Variants in NCAM2 observed in about 807,000 individuals in gnomAD.
NCAM2 encodes N-CAM-2.
NCAM2 carries 30 observed loss-of-function variants against 98.1 expected under a neutral mutation model. That is an observed-to-expected ratio of 0.31 (90% CI 0.23 to 0.41). NCAM2 has a LOEUF of 0.41. Among genes scored for constraint, NCAM2 ranks in the 10% least tolerant of loss-of-function variants. NCAM2 has a pLI of 1.00. For missense variants in NCAM2, 867 were observed against 1,005.8 expected, an observed-to-expected ratio of 0.86 and a Z score of 1.87; for synonymous variants, 368 against 342.4, an observed-to-expected ratio of 1.07 and a Z score of -0.83.
chr21:21,007,624 A>T (rs2064135715), intron 1 of NCAM2, among the ~76,000 whole-genome samples: 1 of 152,112 alleles, frequency 6.6e-6, no homozygotes, highest in Non-Finnish European at 1.5e-5. Flanking sequence ...GACATCTGTA[A>T]ACTATTATGG....
chr21:21,313,603 T>C (rs2074125079), intron 5 of NCAM2, among the ~76,000 whole-genome samples: 1 of 152,042 alleles, frequency 6.6e-6, no homozygotes, highest in Non-Finnish European at 1.5e-5. Flanking sequence ...TCAAGTGATT[T>C]CTTATAGACA....
intron 1 of NCAM2, among the ~76,000 whole-genome samples, chr21:21,264,699 A>G (rs1207629706): frequency 2.0e-5 from 3 of 149,784 alleles, no homozygotes; most frequent in African/African-American, 7.3e-5. Flanking sequence ...ACACATACAT[A>G]CACACACATA....
intron 1 of NCAM2, among the ~76,000 whole-genome samples, chr21:21,053,671 T>C (rs1239205011): frequency 6.6e-6 from 1 of 151,370 alleles, no homozygotes; most frequent in East Asian, 1.9e-4. Context: ...TTTTTCATTT[T>C]TTTTGTCATG....
Position 21,539,892 on chromosome 21 carries a change from T to G in NCAM2, c.*1935T>G, listed in dbSNP as rs1990160832. ...TGTTTGTCTGATCATCCAGTTTGCTTTATTTTGCTGTGTTTTATTTTGTTG... is the reference window on the plus strand; with the variant it reads ...TGTTTGTCTGATCATCCAGTTTGCTGTATTTTGCTGTGTTTTATTTTGTTG... On this transcript the variant is annotated 3_prime_UTR_variant, in exon 18 of 18. Coordinates refer to ENST00000400546, the MANE Select transcript of NCAM2 (RefSeq NM_004540.5). 1 of 152,204 alleles carries G rather than the reference T, an allele frequency of 6.6e-6. No homozygotes were observed. Among genetic ancestry groups the G allele is most frequent in the African/African-American group, 2.4e-5 (1 of 41,456 alleles). 9.4% of individuals were successfully genotyped at this position (152,204 alleles called of 1,614,324 possible). A position where few individuals can be genotyped will look rare whatever the true frequency, so the allele number is the denominator to read the frequency against.
At chr21:21,422,867 G>A (rs1317204419) in intron 11 of NCAM2, among the ~76,000 whole-genome samples, 1 of 152,138 alleles carries the variant, frequency 6.6e-6, no homozygotes, top group Non-Finnish European at 1.5e-5. Flanking sequence ...AAGTTGTACA[G>A]CATGTAAGGC....
chr21:21,265,438 T>A (rs1192533092), intron 1 of NCAM2, among the ~76,000 whole-genome samples: 3 of 37,082 alleles, frequency 8.1e-5, no homozygotes, highest in African/African-American at 1.5e-4. Context: ...TGTATATATA[T>A]TATATATACA....
At chr21:21,436,084 C>T (rs1269808595) in intron 12 of NCAM2, among the ~76,000 whole-genome samples, 1 of 152,098 alleles carries the variant, frequency 6.6e-6, no homozygotes, top group Non-Finnish European at 1.5e-5. Context: ...TAAAGATATT[C>T]ATCAGAATAA....
At chr21:21,522,903 C>T (rs535528174) in intron 16 of NCAM2, among the ~76,000 whole-genome samples, 2 of 152,168 alleles carry the variant, frequency 1.3e-5, no homozygotes, top group African/African-American at 4.8e-5. Context: ...GGATTTCAGG[C>T]GTGAGCCACT....
chr21:20,999,789 G>T lies in NCAM2; in HGVS notation c.55+1171G>T, dbSNP rs78786172. Among the ~76,000 whole-genome samples the T allele has an allele frequency of 9.1e-3, 1,385 of 152,176 alleles. 24 individuals carry two copies. Among genetic ancestry groups the T allele is most frequent in the African/African-American group, 0.031 (1,294 of 41,514 alleles). ...AGGGGGTGGTAGAACTCCATTTTAA[G>T]CCCAGAAGTTGGTTTCTGCTCTTCC... On this transcript the variant is annotated intron_variant, in intron 1 of 17. Transcript: ENST00000400546.
chr21:21,120,251 GA>G (rs2066644280), intron 1 of NCAM2, among the ~76,000 whole-genome samples: 1 of 152,074 alleles, frequency 6.6e-6, no homozygotes, highest in African/African-American at 2.4e-5. Context: ...CAAGGATAAT[GA>G]CACAGATAAA....
At chr21:21,530,219 TTTAA>T (rs1220188132) in intron 16 of NCAM2, among the ~76,000 whole-genome samples, 3 of 111,732 alleles carry the variant, frequency 2.7e-5, no homozygotes, top group East Asian at 4.1e-4. Flanking sequence ...TTTAATTTAA[TTTAA>T]TTATATATAT....
intron 8 of NCAM2, among the ~76,000 whole-genome samples, chr21:21,348,910 T>A (rs2075262055): frequency 6.6e-6 from 1 of 152,130 alleles, no homozygotes. Flanking sequence ...TTGACCCCTG[T>A]CTCTCACCAA....
chr21:21,008,259 A>T (rs1377974485), intron 1 of NCAM2, among the ~76,000 whole-genome samples: 1 of 152,142 alleles, frequency 6.6e-6, no homozygotes, highest in African/African-American at 2.4e-5. Flanking sequence ...TCTTTATCAT[A>T]CTATTTAGCA....
chr21:21,414,628 C>A (rs886943845), intron 10 of NCAM2, among the ~76,000 whole-genome samples: 1 of 152,056 alleles, frequency 6.6e-6, no homozygotes, highest in East Asian at 1.9e-4. Flanking sequence ...TGCCACCACG[C>A]CCGGCTATTT....
intron 12 of NCAM2, among the ~76,000 whole-genome samples, chr21:21,446,345 C>G (rs940341070): frequency 8.6e-5 from 13 of 151,932 alleles, no homozygotes; most frequent in African/African-American, 2.9e-4. Context: ...TAGTAGTGTT[C>G]TCTGTATTTT....
chr21:21,359,001 A>G (rs2075571704), intron 8 of NCAM2, among the ~76,000 whole-genome samples: 1 of 151,810 alleles, frequency 6.6e-6, no homozygotes, highest in South Asian at 2.1e-4. Context: ...TTATTTGGAT[A>G]ATGTCTTTAA....
intron 5 of NCAM2, among the ~76,000 whole-genome samples, chr21:21,316,940 T>G (rs2074242053): frequency 6.6e-6 from 1 of 152,130 alleles, no homozygotes; most frequent in Non-Finnish European, 1.5e-5. Flanking sequence ...AATTCAAAAA[T>G]TTACACATCC....
At chr21:21,005,194 A>G (rs545457667) in intron 1 of NCAM2, among the ~76,000 whole-genome samples, 2 of 152,264 alleles carry the variant, frequency 1.3e-5, no homozygotes, top group African/African-American at 4.8e-5. Context: ...CAGGAGAGTA[A>G]CATGGTTAAA....
At chr21:21,078,217 A>G (rs2065720353) in intron 1 of NCAM2, among the ~76,000 whole-genome samples, 1 of 152,210 alleles carries the variant, frequency 6.6e-6, no homozygotes, top group Non-Finnish European at 1.5e-5. Flanking sequence ...AGGGAAAAAT[A>G]TAGTGCATTC....
Sources: allele counts gnomAD v4.1 joint callset (sites outside exome capture counted in the v4.1 genomes callset), GRCh38; gene constraint gnomAD v4.1.1; transcripts MANE v1.5; gene names NCBI Gene and HGNC (gene_info 2026-07-23, HGNC 2026-07-21).